The following SYT1 variants were observed in gnomAD, a reference collection of about 807,000 sequenced individuals.
SYT1 encodes synaptotagmin 1.
A neutral mutation model predicts 44.8 loss-of-function variants in SYT1; 8 were observed. The observed-to-expected ratio is 0.18, with a 90% confidence interval of 0.10 to 0.32. The LOEUF is 0.32. Among genes scored for constraint, SYT1 ranks in the 10% least tolerant of loss-of-function variants. The probability of loss-of-function intolerance (pLI) is 1.00; values close to 1 mark genes in which losing one functional copy is unlikely to be tolerated. For missense variants in SYT1, 286 were observed against 509.3 expected (o/e 0.56, Z 4.22); for synonymous variants, 154 against 188.8 (o/e 0.82, Z 1.51).
chr12:79,253,483 G>GTCTCTCTCTCTCTCTC (rs60179268), intron 4 of SYT1, among the ~76,000 whole-genome samples: 5 of 129,490 alleles, frequency 3.9e-5, no homozygotes, highest in African/African-American at 1.1e-4. Context: ...CCATTGCCCA[G>GTCTCTCTCTCTCTCTC]TCTCTCTCTC....
At position 79,278,250 on chromosome 12, in the gene SYT1, C is replaced by G. The variant is rs373211448; in HGVS notation, c.167-7537C>G. Among the ~76,000 whole-genome samples, 8 of 152,168 alleles carry G rather than the reference C, an allele frequency of 5.3e-5. No homozygotes were observed. The South Asian group carries it at 1.7e-3, about 32-fold the overall frequency. ...CACATAGAACATTTTCCAAGATAGA[C>G]CATATGACAGGCCACAAAACAAGTC... is the stretch of plus-strand genomic sequence containing the variant. On this transcript the variant is annotated intron_variant, in intron 4 of 10. Coordinates refer to ENST00000261205, the MANE Select transcript of SYT1 (RefSeq NM_005639.3).
chr12:79,320,057 CT>C (rs1881280569), intron 8 of SYT1, among the ~76,000 whole-genome samples: 1 of 152,094 alleles, frequency 6.6e-6, no homozygotes. Context: ...TTTCTAAGCC[CT>C]TGTGTTTCAT....
At chr12:79,167,414 G>T (rs1271748287) in intron 3 of SYT1, among the ~76,000 whole-genome samples, 1 of 151,990 alleles carries the variant, frequency 6.6e-6, no homozygotes, top group Non-Finnish European at 1.5e-5. Flanking sequence ...GAGAATGTGT[G>T]TGTTTGTGTG....
intron 8 of SYT1, among the ~76,000 whole-genome samples, chr12:79,324,764 A>G (rs1881532583): frequency 1.3e-5 from 2 of 151,298 alleles, no homozygotes; most frequent in South Asian, 4.2e-4. Flanking sequence ...GCTGGAAAAA[A>G]CCATGACTGG....
chr12:79,170,742 G>C, intron 3 of SYT1, among the ~76,000 whole-genome samples: 1 of 152,138 alleles, frequency 6.6e-6, no homozygotes, highest in Middle Eastern at 3.4e-3. Flanking sequence ...TGTTGCAATT[G>C]CTTTTGGTAT....
chr12:79,072,140 T>C (rs1876324911), intron 3 of SYT1, among the ~76,000 whole-genome samples: 1 of 152,124 alleles, frequency 6.6e-6, no homozygotes, highest in Admixed American at 6.6e-5. Context: ...TGTCTTTAAA[T>C]ATAAAAAGGA....
chr12:79,302,770 C>T (rs1526954), intron 8 of SYT1, among the ~76,000 whole-genome samples: 55,511 of 151,816 alleles, frequency 0.37, 10,396 homozygotes, highest in East Asian at 0.58. Flanking sequence ...CAGTGATGCA[C>T]GGTCGACTAC....
chr12:78,980,328 A>T (rs781701415), intron 2 of SYT1, among the ~76,000 whole-genome samples: 1 of 152,194 alleles, frequency 6.6e-6, no homozygotes, highest in African/African-American at 2.4e-5. Context: ...TGCTTCCTAC[A>T]TAGCCGACTC....
intron 2 of SYT1, among the ~76,000 whole-genome samples, chr12:78,988,294 ATATC>A (rs1869791480): frequency 6.6e-6 from 1 of 151,334 alleles, no homozygotes; most frequent in Non-Finnish European, 1.5e-5. Context: ...CAACATAAAT[ATATC>A]TATGTTATAT....
intron 9 of SYT1, among the ~76,000 whole-genome samples, chr12:79,418,261 C>T (rs1290260710): frequency 4.6e-5 from 7 of 152,014 alleles, no homozygotes; most frequent in African/African-American, 7.2e-5. Context: ...TGGAAATTAG[C>T]GAAAATTTTT....
At chr12:79,328,364 A>T (rs1365240983) in intron 8 of SYT1, among the ~76,000 whole-genome samples, 1 of 152,160 alleles carries the variant, frequency 6.6e-6, no homozygotes. Context: ...TCTGTTTTGG[A>T]CATGTTCATT....
chr12:79,329,432 G>T (rs1008960655), intron 8 of SYT1, among the ~76,000 whole-genome samples: 4 of 152,182 alleles, frequency 2.6e-5, no homozygotes, highest in African/African-American at 9.7e-5. Flanking sequence ...CACTAGCTGA[G>T]CACGAAATAC....
intron 9 of SYT1, among the ~76,000 whole-genome samples, chr12:79,395,956 A>C (rs1354644254): frequency 6.6e-6 from 1 of 152,196 alleles, no homozygotes; most frequent in Non-Finnish European, 1.5e-5. Context: ...GCCATTGACT[A>C]TTTTGTTATC....
chr12:79,150,658 T>A (rs998828703), intron 3 of SYT1, among the ~76,000 whole-genome samples: 2 of 152,124 alleles, frequency 1.3e-5, no homozygotes, highest in African/African-American at 4.8e-5. Flanking sequence ...AAGATGATAG[T>A]CATGCCAAGG....
intron 1 of SYT1, among the ~76,000 whole-genome samples, chr12:78,912,836 G>C (rs1028806873): frequency 3.3e-5 from 5 of 151,790 alleles, no homozygotes; most frequent in Admixed American, 3.3e-4. Flanking sequence ...TTATCACTGG[G>C]AATACCCACT....
At chr12:79,083,847 A>T (rs1477958419) in intron 3 of SYT1, among the ~76,000 whole-genome samples, 1 of 152,164 alleles carries the variant, frequency 6.6e-6, no homozygotes, top group Non-Finnish European at 1.5e-5. Context: ...ACACTGATGC[A>T]AAGATGTCAA....
intron 8 of SYT1, among the ~76,000 whole-genome samples, chr12:79,340,487 A>G (rs1409223042): frequency 6.6e-6 from 1 of 152,032 alleles, no homozygotes; most frequent in Non-Finnish European, 1.5e-5. Context: ...TTATTGGTGT[A>G]TAAGAATGCT....
chr12:78,888,500 G>A (rs1374957423), intron 1 of SYT1, among the ~76,000 whole-genome samples: 4 of 151,852 alleles, frequency 2.6e-5, no homozygotes, highest in Non-Finnish European at 5.9e-5. Context: ...CCTTATTATA[G>A]TCAAATGCAT....
chr12:79,446,032 T>TA (rs1404390201), intron 10 of SYT1, among the ~76,000 whole-genome samples: 7 of 129,886 alleles, frequency 5.4e-5, no homozygotes, highest in Admixed American at 4.7e-4. Flanking sequence ...TATATATATA[T>TA]ATTATGCCTA....
Sources: gnomAD v4.1 joint callset for allele counts (sites outside exome capture counted in the v4.1 genomes callset) on GRCh38, gnomAD v4.1.1 for gene constraint, MANE v1.5 for transcripts, NCBI Gene and HGNC (gene_info 2026-07-23, HGNC 2026-07-21) for gene names.